The following SNAP25 variants were observed in gnomAD, a reference collection of about 807,000 sequenced individuals.
The protein encoded by SNAP25 is synaptosome associated protein 25, also known as synaptosomal-associated protein 25.
Under a neutral mutation model 28.7 loss-of-function variants are expected in SNAP25, and 3 were observed. The ratio of observed to expected loss-of-function variants is 0.10; its 90% CI spans 0.05 to 0.27. The LOEUF is 0.27. SNAP25 is among the 10% of genes least tolerant of loss of function. SNAP25 has a pLI of 1.00. For missense variants in SNAP25, 117 were observed against 278.7 expected, an observed-to-expected ratio of 0.42 and a Z score of 4.13; for synonymous variants, 61 against 88.1, an observed-to-expected ratio of 0.69 and a Z score of 1.72.
At chr20:10,296,775 T>C (rs966531601) in intron 5 of SNAP25, 150 bp from the exon 6 acceptor site, 6 of 1,138,986 alleles carry the variant, frequency 5.3e-6, no homozygotes, top group Admixed American at 2.7e-5. Flanking sequence ...GGCCAACTGT[T>C]TGGGTCTGGA....
At chr20:10,230,327 T>G (rs2062806873) in intron 1 of SNAP25, among the ~76,000 whole-genome samples, 1 of 152,190 alleles carries the variant, frequency 6.6e-6, no homozygotes, top group East Asian at 1.9e-4. Flanking sequence ...AGTCCCATTT[T>G]GTGGGACAAA....
intron 1 of SNAP25, among the ~76,000 whole-genome samples, chr20:10,228,719 C>T (rs1438044983): frequency 6.6e-6 from 1 of 152,152 alleles, no homozygotes; most frequent in African/African-American, 2.4e-5. Context: ...GGAGCTAATG[C>T]TTGTGAAGTA....
At position 10,306,197 on chromosome 20, in the gene SNAP25, AGT is replaced by A. The variant is rs1212447666; in HGVS notation, c.*4_*5del. On this transcript the variant is annotated 3_prime_UTR_variant, in exon 8 of 8. Transcript: ENST00000254976. ...CAACAAAGATGCTGGGAAGTGGTTA[AGT>A]GTGCCCACCCGTGTTCTCCTCCAAA... is the stretch of plus-strand genomic sequence containing the variant. 1 of 1,613,560 alleles carries A rather than the reference AGT, an allele frequency of 6.2e-7. No homozygotes were observed. The highest frequency in any genetic ancestry group is 2.2e-5 in the East Asian group (1 of 44,860).
rs556794659 is a variant in SNAP25, at chr20:10,274,735, C to T, written c.-63-694C>T. Among the ~76,000 whole-genome samples the T allele has an allele frequency of 2.6e-5, 4 of 151,984 alleles. No individual in the cohort carries two copies. In the South Asian group the frequency reaches 6.3e-4, roughly 24 times the overall value. On this transcript the variant is annotated intron_variant, in intron 1 of 7. Coordinates refer to ENST00000254976, the MANE Select transcript of SNAP25 (RefSeq NM_130811.4). ...GTAGGCACCTGTAGTCCCAGCTACT[C>T]GGGAGGCTGAGGCAGGAGAATGGCG... is the stretch of plus-strand genomic sequence containing the variant.
chr20:10,268,183 T>G (rs2063535883), intron 1 of SNAP25, among the ~76,000 whole-genome samples: 1 of 152,194 alleles, frequency 6.6e-6, no homozygotes, highest in Admixed American at 6.5e-5. Context: ...TATAAAATCC[T>G]TTTTTTCTTC....
intron 3 of SNAP25, among the ~76,000 whole-genome samples, chr20:10,279,560 G>A (rs2063746327): frequency 6.6e-6 from 1 of 152,180 alleles, no homozygotes; most frequent in Non-Finnish European, 1.5e-5. Context: ...ATCAGAGTCT[G>A]AGACATGGTC....
rs79328651 is a variant in SNAP25, at chr20:10,223,587, G to A, written c.-64+4610G>A. ...GGTGGTTATTAAACTGAGTCCAGGG[G>A]CTACACAAGCATCAAGTAAGGTGAA... On this transcript the variant is annotated intron_variant, in intron 1 of 7. Coordinates refer to ENST00000254976, the MANE Select transcript of SNAP25 (RefSeq NM_130811.4). Among the ~76,000 whole-genome samples the A allele has an allele frequency of 9.9e-3, 1,508 of 152,024 alleles. 16 individuals carry two copies. The highest frequency in any genetic ancestry group is 0.039 in the South Asian group (189 of 4,810).
At chr20:10,239,327 A>G (rs528717340) in intron 1 of SNAP25, among the ~76,000 whole-genome samples, 1 of 152,346 alleles carries the variant, frequency 6.6e-6, no homozygotes, top group South Asian at 2.1e-4. Context: ...CACATAGGTG[A>G]TATTTCAGGT....
intron 7 of SNAP25, among the ~76,000 whole-genome samples, chr20:10,303,119 T>C (rs2064278362): frequency 6.6e-6 from 1 of 152,204 alleles, no homozygotes; most frequent in Non-Finnish European, 1.5e-5. Context: ...TCTGGCAACA[T>C]AATAATTCAA....
intron 5 of SNAP25, among the ~76,000 whole-genome samples, chr20:10,295,650 C>T (rs362992): frequency 1.1e-3 from 168 of 150,492 alleles, no homozygotes; most frequent in African/African-American, 3.8e-3. Flanking sequence ...GGTCCTCTGG[C>T]GAAAGAAGAA....
chr20:10,281,409 C>G (rs895496096), intron 3 of SNAP25, among the ~76,000 whole-genome samples: 5 of 152,176 alleles, frequency 3.3e-5, no homozygotes, highest in Admixed American at 3.3e-4. Flanking sequence ...AGAGTGGAGC[C>G]AAACGCAAGT....
At chr20:10,296,731 G>C in intron 5 of SNAP25, 194 bp from the exon 6 acceptor site, 1 of 647,912 alleles carries the variant, frequency 1.5e-6, no homozygotes, top group East Asian at 3.1e-5. Context: ...GATTCGATTG[G>C]AAGTGAAATG....
chr20:10,280,235 AG>A (rs1301243965), intron 3 of SNAP25, among the ~76,000 whole-genome samples: 16 of 152,166 alleles, frequency 1.1e-4, no homozygotes, highest in Non-Finnish European at 1.9e-4. Context: ...AGCCGTGGTT[AG>A]GGGTGGGGCC....
At chr20:10,239,848 G>A (rs363039) in intron 1 of SNAP25, among the ~76,000 whole-genome samples, 57,126 of 151,998 alleles carry the variant, frequency 0.38, 10,957 homozygotes, top group East Asian at 0.53. Context: ...GACAAGACAG[G>A]GTAGAAGCCC....
rs150380517 is a variant in SNAP25 at position 10,243,924 on chromosome 20, TCTTTGC to T, written c.-64+24951_-64+24956del. The stretch of plus-strand genomic sequence containing the variant: ...TTATGGCCACCAAACTATCTTCATC[TCTTTGC>T]CTTAGTTCCCAATCACTGTTTGCAA... On this transcript the variant is annotated intron_variant, in intron 1 of 7. Coordinates refer to ENST00000254976, the MANE Select transcript of SNAP25 (RefSeq NM_130811.4). Among the ~76,000 whole-genome samples the T allele has an allele frequency of 9.7e-3, 1,480 of 152,296 alleles. 26 individuals are homozygous for T. Among genetic ancestry groups the T allele is most frequent in the African/African-American group, 0.034 (1,413 of 41,558 alleles).
At chr20:10,305,846 G>C (rs138279722) in intron 7 of SNAP25, among the ~76,000 whole-genome samples, 1 of 151,694 alleles carries the variant, frequency 6.6e-6, no homozygotes, top group Non-Finnish European at 1.5e-5. Flanking sequence ...ATAAGCCTAC[G>C]CTCTCTGGTA....
At chr20:10,250,889 T>C (rs2063214943) in intron 1 of SNAP25, among the ~76,000 whole-genome samples, 1 of 152,214 alleles carries the variant, frequency 6.6e-6, no homozygotes, top group Non-Finnish European at 1.5e-5. Context: ...AGTAACATGC[T>C]AAACAGATTT....
At chr20:10,222,647 A>G (rs927266008) in intron 1 of SNAP25, among the ~76,000 whole-genome samples, 1 of 152,200 alleles carries the variant, frequency 6.6e-6, no homozygotes, top group Non-Finnish European at 1.5e-5. Flanking sequence ...GATATAACAA[A>G]GTAACCAGGT....
chr20:10,219,385 T>G (rs1193781639), intron 1 of SNAP25: 2 of 152,168 alleles, frequency 1.3e-5, no homozygotes, highest in Non-Finnish European at 2.9e-5. Context: ...AGGGAAGAAT[T>G]AAGGGGGAGA....
Sources: allele counts gnomAD v4.1 joint callset (sites outside exome capture counted in the v4.1 genomes callset), GRCh38; gene constraint gnomAD v4.1.1; transcripts MANE v1.5; gene names NCBI Gene and HGNC (gene_info 2026-07-23, HGNC 2026-07-21).